Variants in PLD5 observed in about 807,000 individuals in gnomAD.
PLD5 encodes phospholipase D family member 5, also known as inactive phospholipase D5.
Under a neutral mutation model 61.1 loss-of-function variants are expected in PLD5, and 36 were observed. That is an observed-to-expected ratio of 0.59 (90% CI 0.45 to 0.78). PLD5 has a LOEUF of 0.78. Among genes scored for constraint, PLD5 ranks in the 30% least tolerant of loss-of-function variants. The pLI, the probability that PLD5 is intolerant of heterozygous loss-of-function variation, is 0.00. For synonymous variants in PLD5, 243 were observed against 242.8 expected (o/e 1.00, Z -0.01); for missense variants, 515 against 644.4 (o/e 0.80, Z 2.17).
rs1673035668 is a variant in PLD5 at position 242,256,653 on chromosome 1, C to T, written c.607+8684G>A. 6.6e-6 allele frequency among the ~76,000 whole-genome samples: 1 copy of T among 152,204 alleles called. No homozygotes were observed. Among genetic ancestry groups the T allele is most frequent in the African/African-American group, 2.4e-5 (1 of 41,462 alleles). ...AACCTGCTGGTGCCTTGATCTTAAACTTCCAGACCCCAGAACTGTGAAAAA... is the reference window on the plus strand; with the variant it reads ...AACCTGCTGGTGCCTTGATCTTAAATTTCCAGACCCCAGAACTGTGAAAAA... On this transcript the variant is annotated intron_variant, in intron 4 of 9. Transcript: ENST00000536534. This position sits in a 1 kb window ranked among gnomAD's most constrained non-coding sequence, Gnocchi z 5.7.
chr1:242,182,655 C>G (rs1667592182), intron 5 of PLD5, among the ~76,000 whole-genome samples: 1 of 152,066 alleles, frequency 6.6e-6, no homozygotes, highest in South Asian at 2.1e-4. Context: ...TCAGCCTGGC[C>G]AACATGGCGA....
intron 8 of PLD5, among the ~76,000 whole-genome samples, chr1:242,101,536 G>A (rs1660688524): frequency 6.6e-6 from 1 of 152,154 alleles, no homozygotes; most frequent in Non-Finnish European, 1.5e-5. Context: ...TCAGCTCACT[G>A]GAAGACACTA....
intron 5 of PLD5, among the ~76,000 whole-genome samples, chr1:242,142,719 TC>T (rs1664258163): frequency 1.1e-5 from 1 of 90,162 alleles, no homozygotes. Context: ...TGTCTTTCTC[TC>T]TCTCTCTCTC....
At chr1:242,190,298 A>G (rs1238173106) in intron 5 of PLD5, among the ~76,000 whole-genome samples, 1 of 151,682 alleles carries the variant, frequency 6.6e-6, no homozygotes, top group Non-Finnish European at 1.5e-5. Flanking sequence ...GGCACCTGCC[A>G]CCACGCCCGG....
intron 4 of PLD5, among the ~76,000 whole-genome samples, chr1:242,261,166 C>A (rs371365758): frequency 2.2e-4 from 33 of 152,132 alleles, no homozygotes; most frequent in African/African-American, 7.5e-4. Context: ...TGGCATTGGT[C>A]CTGGGATAAA....
At chr1:242,215,648 G>A (rs1297819309) in intron 5 of PLD5, among the ~76,000 whole-genome samples, 9 of 152,058 alleles carry the variant, frequency 5.9e-5, no homozygotes, top group South Asian at 4.2e-4. Context: ...CTAGCACAAC[G>A]CATCAAACCA....
chr1:242,317,141 G>A (rs573389848), intron 2 of PLD5, among the ~76,000 whole-genome samples: 9 of 151,888 alleles, frequency 5.9e-5, no homozygotes, highest in African/African-American at 9.7e-5. Context: ...CCAAGTAGCT[G>A]TAATCCCAAT....
At chr1:242,395,140 T>A (rs1421363119) in intron 1 of PLD5, among the ~76,000 whole-genome samples, 2 of 148,952 alleles carry the variant, frequency 1.3e-5, no homozygotes, top group East Asian at 1.9e-4. Flanking sequence ...TGTATATATT[T>A]TAAATAGAGC....
At chr1:242,367,155 C>T (rs1462304588) in intron 1 of PLD5, among the ~76,000 whole-genome samples, 2 of 151,996 alleles carry the variant, frequency 1.3e-5, no homozygotes, top group Admixed American at 1.3e-4. Flanking sequence ...AGAACAGGTA[C>T]AGTAATATCA....
At position 242,447,764 on chromosome 1, in the gene PLD5, A is replaced by T. The variant is rs12756318; in HGVS notation, c.189+76324T>A. 2.2e-3 allele frequency among the ~76,000 whole-genome samples: 338 copies of T among 152,264 alleles called. 1 individual carries two copies. The highest frequency in any genetic ancestry group is 2.8e-3 in the Non-Finnish European group (189 of 68,028). On this transcript the variant is annotated intron_variant, in intron 1 of 9. Transcript: ENST00000536534. ...TCGGAGGTCTGTACACTTTCATCAG[A>T]TTGTACTTCAATGATCTCAGCCCCT...
chr1:242,440,490 G>A (rs927550005), intron 1 of PLD5, among the ~76,000 whole-genome samples: 2 of 152,232 alleles, frequency 1.3e-5, no homozygotes, highest in Non-Finnish European at 2.9e-5. Flanking sequence ...ACATGAGTCT[G>A]ACTGTATTGA....
At chr1:242,438,646 T>G (rs919314680) in intron 1 of PLD5, among the ~76,000 whole-genome samples, 1 of 152,060 alleles carries the variant, frequency 6.6e-6, no homozygotes, top group Admixed American at 6.6e-5. Context: ...GGTTTCTCCA[T>G]GTTGGCCAGG....
At chr1:242,362,707 G>T (rs148131776) in intron 1 of PLD5, among the ~76,000 whole-genome samples, 2 of 151,870 alleles carry the variant, frequency 1.3e-5, no homozygotes, top group East Asian at 3.9e-4. Context: ...TGGCTTAGGG[G>T]CATTTCTCTA....
At chr1:242,493,949 A>C (rs1349158221) in intron 1 of PLD5, among the ~76,000 whole-genome samples, 3 of 152,202 alleles carry the variant, frequency 2.0e-5, no homozygotes, top group Non-Finnish European at 4.4e-5. Flanking sequence ...TTCTAACCTA[A>C]AATATCGCTC....
At position 242,420,316 on chromosome 1, in the gene PLD5, G is replaced by T. The variant is rs896223289; in HGVS notation, c.190-72074C>A. On this transcript the variant is annotated intron_variant, in intron 1 of 9. Coordinates refer to ENST00000536534, the MANE Select transcript of PLD5 (RefSeq NM_001372062.1). ...TAGGTACTAGAACTCTAGAGCCCTC[G>T]CCCTCAATCAACATGTTCCATCTCC... is the stretch of plus-strand genomic sequence containing the variant. Among the ~76,000 whole-genome samples the T allele has an allele frequency of 2.0e-5, 3 of 152,018 alleles. No individual in the cohort carries two copies. The East Asian group carries it at 5.8e-4, about 29-fold the overall frequency.
chr1:242,394,362 ATATATGAGTATATATG>A lies in PLD5; in HGVS notation c.190-46136_190-46121del, dbSNP rs1170432749. On this transcript the variant is annotated intron_variant, in intron 1 of 9. Transcript: ENST00000536534. ...TGTATATATGAGTATATATGTGTGT[ATATATGAGTATATATG>A]TGTGTATATATGAGTATATATGTGT... 2.1e-5 allele frequency among the ~76,000 whole-genome samples: 2 copies of A among 96,840 alleles called. 1 individual carries two copies. Among genetic ancestry groups the A allele is most frequent in the Non-Finnish European group, 4.0e-5 (2 of 50,228 alleles). 63.5% of individuals were successfully genotyped at this position (96,840 alleles called of 152,430 possible).
chr1:242,401,935 TTGAA>T (rs1663957520), intron 1 of PLD5, among the ~76,000 whole-genome samples: 1 of 152,216 alleles, frequency 6.6e-6, no homozygotes, highest in Non-Finnish European at 1.5e-5. Flanking sequence ...TAAACATTTG[TTGAA>T]TGAATGAATG....
intron 5 of PLD5, among the ~76,000 whole-genome samples, chr1:242,198,878 G>A (rs1203973345): frequency 6.6e-6 from 1 of 152,028 alleles, no homozygotes; most frequent in Non-Finnish European, 1.5e-5. Context: ...GGGATTACAG[G>A]CATGTGCCAC....
intron 5 of PLD5, among the ~76,000 whole-genome samples, chr1:242,160,989 T>C (rs1236795233): frequency 7.1e-6 from 1 of 140,854 alleles, no homozygotes; most frequent in Non-Finnish European, 1.5e-5. Flanking sequence ...AAGTAAACAA[T>C]GGCAGCATAT....
Sources: allele counts gnomAD v4.1 joint callset (sites outside exome capture counted in the v4.1 genomes callset), GRCh38; gene constraint gnomAD v4.1.1; non-coding constraint Gnocchi (gnomAD v3.1); transcripts MANE v1.5; gene names NCBI Gene and HGNC (gene_info 2026-07-23, HGNC 2026-07-21).